The following ROR1 variants were observed in gnomAD, a reference collection of about 807,000 sequenced individuals.
The protein encoded by ROR1 is ROR family WNT receptor 1.
Under a neutral mutation model 78.8 loss-of-function variants are expected in ROR1, and 19 were observed. The observed-to-expected ratio is 0.24, with a 90% CI of 0.17 to 0.35. The LOEUF (loss-of-function observed/expected upper bound fraction) is 0.35. ROR1 is among the 10% of genes least tolerant of loss of function. The pLI is 1.00. For synonymous variants in ROR1, 386 were observed against 433.6 expected (o/e 0.89, Z 1.36); for missense variants, 917 against 1,177.8 (o/e 0.78, Z 3.24).
At chr1:64,006,023 C>G (rs560374327) in intron 1 of ROR1, among the ~76,000 whole-genome samples, 5 of 152,152 alleles carry the variant, frequency 3.3e-5, no homozygotes, top group East Asian at 1.9e-4. Flanking sequence ...ACGTGGGGAA[C>G]AATTTCAGTG....
chr1:64,038,665 A>G (rs1341236165), intron 2 of ROR1, among the ~76,000 whole-genome samples: 3 of 152,126 alleles, frequency 2.0e-5, no homozygotes, highest in Non-Finnish European at 2.9e-5. Context: ...ATCACACTTT[A>G]TCATGATTAT....
chr1:63,889,625 A>T (rs1645380986), intron 1 of ROR1, among the ~76,000 whole-genome samples: 1 of 152,180 alleles, frequency 6.6e-6, no homozygotes, highest in African/African-American at 2.4e-5. Context: ...TTATATAGTT[A>T]GTATGTCCCT....
intron 4 of ROR1, among the ~76,000 whole-genome samples, chr1:64,054,936 C>T (rs577771185): frequency 9.2e-5 from 14 of 152,154 alleles, no homozygotes; most frequent in Non-Finnish European, 1.9e-4. Flanking sequence ...TGCATCTCCC[C>T]AACCTCTGCC....
intron 1 of ROR1, among the ~76,000 whole-genome samples, chr1:63,816,399 G>C (rs910859965): frequency 1.3e-5 from 2 of 152,166 alleles, no homozygotes; most frequent in Non-Finnish European, 2.9e-5. Context: ...CTCATGAAAC[G>C]TGATGGTTTT....
chr1:64,022,927 T>TA (rs1286316802), intron 2 of ROR1, among the ~76,000 whole-genome samples: 1 of 152,184 alleles, frequency 6.6e-6, no homozygotes, highest in African/African-American at 2.4e-5. Flanking sequence ...TTTTTGTTTT[T>TA]ACTTTATAAT....
intron 1 of ROR1, among the ~76,000 whole-genome samples, chr1:63,940,537 A>ATAGATAGATAGATAGG (rs1316361224): frequency 2.6e-5 from 4 of 151,944 alleles, no homozygotes; most frequent in African/African-American, 9.7e-5. Context: ...AGATAGATAG[A>ATAGATAGATAGATAGG]TAGATAATGT....
chr1:64,099,185 A>G (rs560849958), intron 4 of ROR1, among the ~76,000 whole-genome samples: 1 of 152,154 alleles, frequency 6.6e-6, no homozygotes, highest in Non-Finnish European at 1.5e-5. Flanking sequence ...ATGTCATCAC[A>G]AACAACTCCC....
intron 1 of ROR1, among the ~76,000 whole-genome samples, chr1:63,787,526 T>C (rs1468687234): frequency 6.8e-5 from 9 of 132,516 alleles, no homozygotes; most frequent in Admixed American, 2.9e-4. Context: ...TTCCTTCTCT[T>C]TTTTTTTTTT....
At chr1:63,920,945 T>C (rs1323476600) in intron 1 of ROR1, among the ~76,000 whole-genome samples, 1 of 152,214 alleles carries the variant, frequency 6.6e-6, no homozygotes, top group East Asian at 1.9e-4. Context: ...TGGGAGACAC[T>C]GTTCTCAGTG....
chr1:63,808,268 G>T (rs1644841017), intron 1 of ROR1, among the ~76,000 whole-genome samples: 1 of 152,136 alleles, frequency 6.6e-6, no homozygotes, highest in African/African-American at 2.4e-5. Context: ...CTTCTGTTGG[G>T]CTGGAGCACA....
At chr1:64,167,565 A>G (rs1020135045) in intron 8 of ROR1, among the ~76,000 whole-genome samples, 9 of 152,224 alleles carry the variant, frequency 5.9e-5, no homozygotes, top group South Asian at 2.1e-4. Flanking sequence ...AAATGTAATC[A>G]TTTCCATTTA....
At position 63,861,373 on chromosome 1, in the gene ROR1, A is replaced by T. The variant is rs369674676; in HGVS notation, c.91+86865A>T. On this transcript the variant is annotated intron_variant, in intron 1 of 8. Coordinates refer to ENST00000371079, the MANE Select transcript of ROR1 (RefSeq NM_005012.4). Reference sequence around the variant, plus strand: ...TGGCAGTAACATTTTCCATTTTGCCAATAGTCATTCCTTTGGTTTTCCCTT... The same window carrying T: ...TGGCAGTAACATTTTCCATTTTGCCTATAGTCATTCCTTTGGTTTTCCCTT... 2.0e-4 allele frequency among the ~76,000 whole-genome samples: 30 copies of T among 152,340 alleles called. No homozygotes were observed. In the South Asian group the frequency reaches 5.6e-3, roughly 28 times the overall value.
intron 4 of ROR1, among the ~76,000 whole-genome samples, chr1:64,079,764 G>A (rs1647085166): frequency 6.6e-6 from 1 of 152,066 alleles, no homozygotes; most frequent in South Asian, 2.1e-4. Context: ...TTATAAGCAT[G>A]AGCCACCGTA....
chr1:63,966,106 G>A (rs978312373), intron 1 of ROR1, among the ~76,000 whole-genome samples: 5 of 152,172 alleles, frequency 3.3e-5, no homozygotes, highest in East Asian at 1.9e-4. Flanking sequence ...CTCATGGTTC[G>A]TTATCATTCT....
At chr1:63,990,432 G>A (rs927297645) in intron 1 of ROR1, among the ~76,000 whole-genome samples, 1 of 152,166 alleles carries the variant, frequency 6.6e-6, no homozygotes, top group African/African-American at 2.4e-5. Flanking sequence ...TTAGGAGGGT[G>A]AATAGAGTGC....
chr1:64,039,713 T>C (rs1646731233), intron 2 of ROR1, among the ~76,000 whole-genome samples: 1 of 152,198 alleles, frequency 6.6e-6, no homozygotes, highest in African/African-American at 2.4e-5. Flanking sequence ...ATCACAGAGA[T>C]GACTTATGAT....
At chr1:64,074,859 C>T (rs1647036461) in intron 4 of ROR1, among the ~76,000 whole-genome samples, 1 of 152,152 alleles carries the variant, frequency 6.6e-6, no homozygotes, top group African/African-American at 2.4e-5. Flanking sequence ...TTTCCATCTG[C>T]ACAATGAAGA....
intron 1 of ROR1, among the ~76,000 whole-genome samples, chr1:63,892,041 C>G (rs907905240): frequency 2.0e-5 from 3 of 152,124 alleles, no homozygotes; most frequent in Non-Finnish European, 4.4e-5. Flanking sequence ...GTATATTCAC[C>G]TTTAGTTTGT....
intron 1 of ROR1, among the ~76,000 whole-genome samples, chr1:63,990,670 C>T (rs373360720): frequency 6.6e-6 from 1 of 152,176 alleles, no homozygotes; most frequent in Non-Finnish European, 1.5e-5. Flanking sequence ...GAATGGTGCT[C>T]TGTCCCAGCT....
Sources: allele counts gnomAD v4.1 joint callset (sites outside exome capture counted in the v4.1 genomes callset), GRCh38; gene constraint gnomAD v4.1.1; transcripts MANE v1.5; gene names NCBI Gene and HGNC (gene_info 2026-07-23, HGNC 2026-07-21).